Variants in THEMIS observed in about 807,000 individuals in gnomAD.
THEMIS encodes thymocyte selection associated, also known as protein THEMIS.
THEMIS carries 37 observed loss-of-function variants against 52.6 expected under a neutral mutation model. That is an observed-to-expected ratio of 0.70 (90% CI 0.54 to 0.93). The LOEUF (loss-of-function observed/expected upper bound fraction) is 0.93. THEMIS is among the 40% of genes least tolerant of loss of function. The pLI, the probability that THEMIS is intolerant of heterozygous loss-of-function variation, is 0.00. For synonymous variants in THEMIS, 292 were observed against 272.7 expected, an observed-to-expected ratio of 1.07 and a Z score of -0.70; for missense variants, 808 against 763.1, an observed-to-expected ratio of 1.06 and a Z score of -0.69.
intron 4 of THEMIS, among the ~76,000 whole-genome samples, chr6:127,758,994 T>G (rs1775928473): frequency 1.3e-5 from 2 of 152,136 alleles, no homozygotes; most frequent in African/African-American, 4.8e-5. Context: ...TCAAGAAGTC[T>G]GGAAAGAATT....
chr6:127,900,400 T>C (rs1297231343), intron 1 of THEMIS, among the ~76,000 whole-genome samples: 1 of 152,110 alleles, frequency 6.6e-6, no homozygotes, highest in East Asian at 1.9e-4. Flanking sequence ...ATAAGCAACA[T>C]TTAGGAGCTA....
At chr6:127,775,372 G>A (rs185342240) in intron 4 of THEMIS, among the ~76,000 whole-genome samples, 1 of 152,160 alleles carries the variant, frequency 6.6e-6, no homozygotes, top group South Asian at 2.1e-4. Context: ...CTATTTCTCT[G>A]AGTAGAGTCT....
intron 4 of THEMIS, among the ~76,000 whole-genome samples, chr6:127,774,378 T>A (rs1174634317): frequency 6.6e-6 from 1 of 152,136 alleles, no homozygotes; most frequent in East Asian, 1.9e-4. Context: ...GCTAATTTTT[T>A]GTATTTTTAG....
At chr6:127,881,576 T>C (rs961670812) in intron 1 of THEMIS, among the ~76,000 whole-genome samples, 4 of 151,982 alleles carry the variant, frequency 2.6e-5, no homozygotes, top group African/African-American at 7.2e-5. Context: ...GTAAATCTCA[T>C]ACTCCATTGT....
the THEMIS span, among the ~76,000 whole-genome samples, chr6:127,697,350 C>T: frequency 4.6e-5 from 7 of 152,118 alleles, no homozygotes; most frequent in Non-Finnish European, 1.0e-4. Flanking sequence ...CACCTGGATT[C>T]CGGCAACTGT....
rs546663427 is a variant in THEMIS at position 127,709,169 on chromosome 6, T to A, written c.*816A>T. 6.6e-6 allele frequency: 1 copy of A among 152,150 alleles called. No individual in the cohort carries two copies. Among genetic ancestry groups the A allele is most frequent in the African/African-American group, 2.4e-5 (1 of 41,554 alleles). 9.4% of individuals were successfully genotyped at this position (152,150 alleles called of 1,614,324 possible). On this transcript the variant is annotated 3_prime_UTR_variant, in exon 6 of 6. Coordinates refer to ENST00000368248, the MANE Select transcript of THEMIS (RefSeq NM_001010923.3). ...ACTTTGGTTTCTTGTCAGCCAAATT[T>A]ATTATATTACAATTTTATTGTCTTT...
At chr6:127,805,259 T>A (rs527966506) in intron 4 of THEMIS, among the ~76,000 whole-genome samples, 1 of 152,110 alleles carries the variant, frequency 6.6e-6, no homozygotes, top group African/African-American at 2.4e-5. Context: ...TTTTAACCTC[T>A]TACAAAGAGG....
chr6:127,753,903 A>G (rs1468633135), intron 4 of THEMIS, among the ~76,000 whole-genome samples: 1 of 152,012 alleles, frequency 6.6e-6, no homozygotes, highest in East Asian at 1.9e-4. Context: ...TAATAATAAT[A>G]ACAACAATAA....
intron 4 of THEMIS, among the ~76,000 whole-genome samples, chr6:127,800,637 G>T (rs1047793547): frequency 6.6e-6 from 1 of 152,196 alleles, no homozygotes; most frequent in Admixed American, 6.5e-5. Context: ...TTGAGTCAGT[G>T]GGCTGGGAAA....
At chr6:127,824,089 G>T (rs769694334) in intron 3 of THEMIS, among the ~76,000 whole-genome samples, 4 of 152,106 alleles carry the variant, frequency 2.6e-5, no homozygotes, top group Non-Finnish European at 4.4e-5. Flanking sequence ...AAAACACAGG[G>T]ATTATTCAAA....
At chr6:127,838,593 C>T (rs1778946006) in intron 2 of THEMIS, among the ~76,000 whole-genome samples, 1 of 151,964 alleles carries the variant, frequency 6.6e-6, no homozygotes, top group Non-Finnish European at 1.5e-5. Flanking sequence ...ATATTTGCAA[C>T]TTGAAAGTTG....
At position 127,900,991 on chromosome 6, in the gene THEMIS, G is replaced by A; in HGVS notation, c.-59C>T. On this transcript the variant is annotated 5_prime_UTR_variant, in exon 1 of 6. Coordinates refer to ENST00000368248, the MANE Select transcript of THEMIS (RefSeq NM_001010923.3). Reference sequence around the variant, plus strand: ...TCACAGAAACTTGTGGCTTCTGGGTGACACTTGTCTGCAATTGCAGCCCCT... The same window carrying A: ...TCACAGAAACTTGTGGCTTCTGGGTAACACTTGTCTGCAATTGCAGCCCCT... 1 of 1,373,482 alleles carries A rather than the reference G, an allele frequency of 7.3e-7. No individual in the cohort carries two copies. The allele number at this position is 1,373,482 out of a possible 1,614,324, so 85.1% of individuals were successfully genotyped here.
At chr6:127,794,920 T>C (rs1420948313) in intron 4 of THEMIS, among the ~76,000 whole-genome samples, 2 of 152,196 alleles carry the variant, frequency 1.3e-5, no homozygotes, top group Non-Finnish European at 2.9e-5. Context: ...GGTGTTTTAT[T>C]ACTGATGAAA....
At chr6:127,820,200 G>C (rs529374482) in intron 3 of THEMIS, among the ~76,000 whole-genome samples, 4 of 151,964 alleles carry the variant, frequency 2.6e-5, no homozygotes, top group Non-Finnish European at 5.9e-5. Context: ...TCACATAAAA[G>C]CCTCAATTAA....
At chr6:127,741,045 C>A (rs1386693923) in intron 4 of THEMIS, among the ~76,000 whole-genome samples, 1 of 152,100 alleles carries the variant, frequency 6.6e-6, no homozygotes, top group Admixed American at 6.6e-5. Flanking sequence ...TATTAGAACC[C>A]AGTAAAACCC....
At chr6:127,844,741 A>G (rs1019018508) in intron 2 of THEMIS, among the ~76,000 whole-genome samples, 35 of 151,984 alleles carry the variant, frequency 2.3e-4, no homozygotes, top group African/African-American at 6.8e-4. Context: ...TTGGAACTTC[A>G]CTATAAACCA....
chr6:127,824,893 C>A (rs151335886), intron 3 of THEMIS, among the ~76,000 whole-genome samples: 1 of 151,932 alleles, frequency 6.6e-6, no homozygotes, highest in Admixed American at 6.6e-5. Flanking sequence ...CCACTGCACT[C>A]CAGCCTGGGC....
intron 3 of THEMIS, among the ~76,000 whole-genome samples, chr6:127,822,664 G>A (rs1778380355): frequency 6.6e-6 from 1 of 152,078 alleles, no homozygotes; most frequent in African/African-American, 2.4e-5. Flanking sequence ...ATATCAACTT[G>A]CTTAGGCTAT....
chr6:127,747,700 A>G (rs1775498349), intron 4 of THEMIS, among the ~76,000 whole-genome samples: 1 of 151,964 alleles, frequency 6.6e-6, no homozygotes, highest in African/African-American at 2.4e-5. Context: ...TTAAAAATAT[A>G]GTGGGATAAT....
Sources: allele counts gnomAD v4.1 joint callset (sites outside exome capture counted in the v4.1 genomes callset), GRCh38; gene constraint gnomAD v4.1.1; transcripts MANE v1.5; gene names NCBI Gene and HGNC (gene_info 2026-07-23, HGNC 2026-07-21).